LOC128462377: variants seen among roughly 807,000 people sequenced by gnomAD.
At chr16:89,343,062 C>A in the LOC128462377 span, among the ~76,000 whole-genome samples, 1 of 152,188 alleles carries the variant, frequency 6.6e-6, no homozygotes, top group South Asian at 2.1e-4. Context: ...CTGTTGTCAC[C>A]CAGGCTGGAG....
At chr16:89,376,918 A>G in the LOC128462377 span, among the ~76,000 whole-genome samples, 1 of 152,358 alleles carries the variant, frequency 6.6e-6, no homozygotes, top group African/African-American at 2.4e-5. Context: ...GCCTTTATCT[A>G]TAAAGCTGCC....
the LOC128462377 span, among the ~76,000 whole-genome samples, chr16:89,409,861 T>C: frequency 6.6e-6 from 1 of 152,148 alleles, no homozygotes; most frequent in African/African-American, 2.4e-5. Flanking sequence ...TTTTTTGAGA[T>C]GGGAGTCTCG....
At chr16:89,320,755 G>A in the LOC128462377 span, among the ~76,000 whole-genome samples, 3 of 152,364 alleles carry the variant, frequency 2.0e-5, no homozygotes, top group South Asian at 6.2e-4. Flanking sequence ...ACTCAGCCCA[G>A]CGGAGTGGAC....
At chr16:89,381,767 T>C in the LOC128462377 span, among the ~76,000 whole-genome samples, 33 of 152,268 alleles carry the variant, frequency 2.2e-4, no homozygotes, top group Non-Finnish European at 3.8e-4. Flanking sequence ...ACCGAATTTA[T>C]ACACTTTGTG....
chr16:89,415,829 C>CAAAAAAAA, the LOC128462377 span, among the ~76,000 whole-genome samples: 372 of 39,678 alleles, frequency 9.4e-3, 25 homozygotes, highest in Non-Finnish European at 9.0e-3. Context: ...GACTCTGTCT[C>CAAAAAAAA]AAAAAAAAAA....
chr16:89,384,219 C>CA, the LOC128462377 span, among the ~76,000 whole-genome samples: 17 of 152,220 alleles, frequency 1.1e-4, no homozygotes, highest in African/African-American at 3.6e-4. Flanking sequence ...GACTCCATCT[C>CA]AAAAACAAAC....
the LOC128462377 span, among the ~76,000 whole-genome samples, chr16:89,338,726 CAAAAAAA>C: frequency 6.8e-5 from 3 of 43,812 alleles, no homozygotes; most frequent in African/African-American, 1.0e-4. Context: ...CACTCAGTCT[CAAAAAAA>C]AAAAAAAAAA....
the LOC128462377 span, among the ~76,000 whole-genome samples, chr16:89,390,776 T>G: frequency 1.3e-5 from 2 of 152,120 alleles, no homozygotes; most frequent in Non-Finnish European, 2.9e-5. Context: ...CTGCTGGTAA[T>G]GGTTGTCTAA....
the LOC128462377 span, among the ~76,000 whole-genome samples, chr16:89,396,915 G>A: frequency 1.3e-5 from 2 of 151,286 alleles, no homozygotes; most frequent in Non-Finnish European, 2.9e-5. Flanking sequence ...TCAAACTCCT[G>A]ACCTCAGGTG....
chr16:89,328,005 T>C, the LOC128462377 span, among the ~76,000 whole-genome samples: 9 of 152,190 alleles, frequency 5.9e-5, no homozygotes, highest in African/African-American at 9.7e-5. Context: ...GGCTTGTATG[T>C]AGAAGAAAGA....
At chr16:89,347,426 G>A in the LOC128462377 span, among the ~76,000 whole-genome samples, 1 of 152,050 alleles carries the variant, frequency 6.6e-6, no homozygotes, top group Non-Finnish European at 1.5e-5. Context: ...TGGCTAGCAC[G>A]GTGAAACCCC....
At chr16:89,385,088 G>A in the LOC128462377 span, among the ~76,000 whole-genome samples, 2 of 151,910 alleles carry the variant, frequency 1.3e-5, no homozygotes, top group Non-Finnish European at 2.9e-5. Flanking sequence ...ATTTCACCAT[G>A]TTGGCCAGGC....
chr16:89,384,889 T>G, the LOC128462377 span, among the ~76,000 whole-genome samples: 18 of 119,146 alleles, frequency 1.5e-4, no homozygotes, highest in African/African-American at 5.9e-4. Context: ...CTTTTTTTTT[T>G]TTTTTTTTTT....
the LOC128462377 span, among the ~76,000 whole-genome samples, chr16:89,379,930 AATC>A: frequency 6.6e-6 from 1 of 152,238 alleles, no homozygotes; most frequent in African/African-American, 2.4e-5. Flanking sequence ...TCAGTTTTCC[AATC>A]ATCATTTCTC....
chr16:89,402,932 G>A, the LOC128462377 span, among the ~76,000 whole-genome samples: 1 of 152,170 alleles, frequency 6.6e-6, no homozygotes, highest in Non-Finnish European at 1.5e-5. Flanking sequence ...CAACAAAGCA[G>A]GCAACCTAGC....
chr16:89,324,454 G>A, the LOC128462377 span: 1 of 459,340 alleles, frequency 2.2e-6, no homozygotes, highest in South Asian at 1.5e-5. Context: ...GGTTACTACT[G>A]AGTTTCAACT....
At chr16:89,417,488 G>A in the LOC128462377 span, among the ~76,000 whole-genome samples, 1 of 152,142 alleles carries the variant, frequency 6.6e-6, no homozygotes, top group Non-Finnish European at 1.5e-5. Flanking sequence ...TCAGAGCCAA[G>A]GCCAAAGTCT....
the LOC128462377 span, among the ~76,000 whole-genome samples, chr16:89,336,842 C>T: frequency 6.6e-6 from 1 of 151,954 alleles, no homozygotes; most frequent in Non-Finnish European, 1.5e-5. Context: ...AAAACAACTG[C>T]AGGCCGGGCG....
At chr16:89,393,485 A>G in the LOC128462377 span, among the ~76,000 whole-genome samples, 1 of 128,478 alleles carries the variant, frequency 7.8e-6, no homozygotes, top group Non-Finnish European at 1.6e-5. Flanking sequence ...CACCATATCC[A>G]GCTGCTTTTT....
Sources: allele counts gnomAD v4.1 joint callset (sites outside exome capture counted in the v4.1 genomes callset), GRCh38; gene constraint gnomAD v4.1.1; transcripts MANE v1.5.